PRIMPOL: variants seen among roughly 807,000 people sequenced by gnomAD.
PRIMPOL encodes DNA-directed primase/polymerase protein.
Under a neutral mutation model 63.6 loss-of-function variants are expected in PRIMPOL, and 54 were observed. That is an observed-to-expected ratio of 0.85 (90% confidence interval 0.68 to 1.07). The LOEUF (loss-of-function observed/expected upper bound fraction) is 1.07. PRIMPOL is among the 50% of genes least tolerant of loss of function. The pLI is 0.00. For missense variants in PRIMPOL, 610 were observed against 648.3 expected (o/e 0.94, Z 0.64); for synonymous variants, 197 against 220.2 (o/e 0.89, Z 0.93).
At chr4:184,693,050 G>C (rs1287645246) in intron 13 of PRIMPOL, among the ~76,000 whole-genome samples, 1 of 152,048 alleles carries the variant, frequency 6.6e-6, no homozygotes, top group African/African-American at 2.4e-5. Context: ...AGTGTTAATA[G>C]AATAAAAGAA....
intron 4 of PRIMPOL, among the ~76,000 whole-genome samples, chr4:184,660,117 G>C (rs918031421): frequency 1.3e-5 from 2 of 150,216 alleles, no homozygotes; most frequent in African/African-American, 4.9e-5. Context: ...CACTGTACCT[G>C]GCTTATTAGC....
chr4:184,678,388 A>G lies in PRIMPOL; in HGVS notation c.1001A>G (p.Asn334Ser). ...YQYFLSSLVS[N>S]VRFSDTLRIL... The stretch of plus-strand genomic sequence containing the variant: ...TATTTTCTCTCTTCTTTGGTCAGCA[A>G]TGTCAGGTATGTAGTAGCAGCATCA... Residue 334 changes from asparagine (N) to serine (S), a missense_variant, in exon 8 of 14, where the codon AAT (asparagine) becomes AGT (serine). Around this residue, in one of 3 missense-constraint regions of PRIMPOL, gnomAD observed 444 missense variants for 456.4 expected, o/e 0.97. Coordinates refer to ENST00000314970, the MANE Select transcript of PRIMPOL (RefSeq NM_152683.4). The G allele has an allele frequency of 1.2e-6, 2 of 1,602,428 alleles. No homozygotes were observed. The highest frequency in any genetic ancestry group is 1.1e-5 in the South Asian group (1 of 88,284).
chr4:184,669,263 G>A (rs1034855238), intron 6 of PRIMPOL, among the ~76,000 whole-genome samples: 2 of 152,190 alleles, frequency 1.3e-5, no homozygotes, highest in Non-Finnish European at 2.9e-5. Context: ...TTAAGCAGCT[G>A]GGGAATGTTA....
chr4:184,684,072 A>G (rs1756364029), intron 9 of PRIMPOL, among the ~76,000 whole-genome samples: 2 of 152,218 alleles, frequency 1.3e-5, no homozygotes, highest in South Asian at 2.1e-4. Context: ...CCACATTAAT[A>G]TATTTTTCAA....
At chr4:184,693,043 G>GTTAA (rs368319933) in intron 13 of PRIMPOL, among the ~76,000 whole-genome samples, 1 of 152,176 alleles carries the variant, frequency 6.6e-6, no homozygotes, top group African/African-American at 2.4e-5. Flanking sequence ...CCTCTATAGT[G>GTTAA]TTAATAGAAT....
chr4:184,654,845 T>G (rs920101182), intron 2 of PRIMPOL, among the ~76,000 whole-genome samples: 1 of 152,208 alleles, frequency 6.6e-6, no homozygotes, highest in African/African-American at 2.4e-5. Flanking sequence ...GTTAGTACCT[T>G]TAGAATTATA....
Position 184,658,907 on chromosome 4 carries a change from C to CA in PRIMPOL, c.181-417dup, listed in dbSNP as rs35646133. Among the ~76,000 whole-genome samples the CA allele has an allele frequency of 9.7e-3, 911 of 93,682 alleles. 4 individuals carry two copies. The highest frequency in any genetic ancestry group is 0.026 in the African/African-American group (644 of 24,468). 61.5% of individuals were successfully genotyped at this position (93,682 alleles called of 152,430 possible). A position where few individuals can be genotyped will look rare whatever the true frequency, so the allele number is the denominator to read the frequency against. On this transcript the variant is annotated intron_variant, in intron 3 of 13. Transcript: ENST00000314970. ...TGGGCAACAGAGCAAGACTCTGTTTCAAAAAAAAAAAAAAAAGGCTCCTAC... is the reference window on the plus strand; with the variant it reads ...TGGGCAACAGAGCAAGACTCTGTTTCAAAAAAAAAAAAAAAAAGGCTCCTAC...
At chr4:184,687,814 G>A (rs1440130179) in intron 11 of PRIMPOL, among the ~76,000 whole-genome samples, 1 of 151,804 alleles carries the variant, frequency 6.6e-6, no homozygotes, top group African/African-American at 2.4e-5. Context: ...CGGGGTTTCT[G>A]CATGTTGGTC....
intron 3 of PRIMPOL, among the ~76,000 whole-genome samples, chr4:184,658,084 T>TGGGG (rs60383196): frequency 3.7e-4 from 41 of 110,448 alleles, no homozygotes; most frequent in African/African-American, 1.6e-3. Flanking sequence ...TTTTTTTTTT[T>TGGGG]GGGGCACTGT....
chr4:184,682,535 A>G (rs1755905260), intron 9 of PRIMPOL, among the ~76,000 whole-genome samples, 199 bp downstream of exon 9: 1 of 151,896 alleles, frequency 6.6e-6, no homozygotes, highest in Non-Finnish European at 1.5e-5. Context: ...TTTAGTAGAG[A>G]TGAGATTTCA....
intron 1 of PRIMPOL, among the ~76,000 whole-genome samples, chr4:184,651,165 C>T (rs1224974770): frequency 1.3e-5 from 2 of 151,938 alleles, no homozygotes; most frequent in African/African-American, 4.8e-5. Context: ...GTGGTGGGCA[C>T]CTGTAATCCC....
intron 8 of PRIMPOL, among the ~76,000 whole-genome samples, chr4:184,679,704 A>G (rs1475780617): frequency 6.6e-6 from 1 of 152,158 alleles, no homozygotes; most frequent in Non-Finnish European, 1.5e-5. Flanking sequence ...CGAGCGAGCA[A>G]TACCACCTTC....
chr4:184,653,809 G>T (rs1745420455), intron 2 of PRIMPOL, among the ~76,000 whole-genome samples: 1 of 152,170 alleles, frequency 6.6e-6, no homozygotes, highest in Non-Finnish European at 1.5e-5. Context: ...TTTCTAATAT[G>T]GTGACATATT....
intron 6 of PRIMPOL, among the ~76,000 whole-genome samples, chr4:184,671,940 C>T (rs1461991985): frequency 1.3e-5 from 2 of 151,806 alleles, no homozygotes; most frequent in Non-Finnish European, 2.9e-5. Context: ...CGGGGTTTCA[C>T]CGTGTTAACC....
At chr4:184,681,504 T>G (rs2150136131) in intron 8 of PRIMPOL, among the ~76,000 whole-genome samples, 1 of 152,276 alleles carries the variant, frequency 6.6e-6, no homozygotes, top group East Asian at 1.9e-4. Context: ...TGCTATATAG[T>G]TGTTATACTA....
At chr4:184,685,812 T>C in intron 11 of PRIMPOL, 128 bp downstream of exon 11, 2 of 522,690 alleles carry the variant, frequency 3.8e-6, no homozygotes, top group East Asian at 3.8e-5. Context: ...AATTTCTTTT[T>C]TTTTTCCAAG....
chr4:184,655,796 A>G (rs1186654503), intron 2 of PRIMPOL, among the ~76,000 whole-genome samples: 1 of 152,186 alleles, frequency 6.6e-6, no homozygotes, highest in African/African-American at 2.4e-5. Context: ...TTTAGTACAT[A>G]TTATTTCACT....
intron 8 of PRIMPOL, among the ~76,000 whole-genome samples, chr4:184,680,091 C>A (rs1465355702): frequency 6.6e-5 from 10 of 152,194 alleles, no homozygotes; most frequent in Admixed American, 2.6e-4. Flanking sequence ...CCTTCATTCC[C>A]TGTTTTTCTA....
chr4:184,673,135 C>CT lies in PRIMPOL; in HGVS notation c.844+687dup, dbSNP rs10661169. On this transcript the variant is annotated intron_variant, in intron 7 of 13. Transcript: ENST00000314970. ...TGACAGCAGCAGGTTTTTTCTTTTT[C>CT]TTTTTTTTTTTTGAGACGGAGTCCC... Among the ~76,000 whole-genome samples the CT allele has an allele frequency of 9.8e-4, 139 of 141,776 alleles. 1 individual carries two copies. Among genetic ancestry groups the CT allele is most frequent in the Admixed American group, 1.3e-3 (18 of 14,160 alleles). 93.0% of individuals were successfully genotyped at this position (141,776 alleles called of 152,430 possible). A position where few individuals can be genotyped will look rare whatever the true frequency, so the allele number is the denominator to read the frequency against.
Sources: gnomAD v4.1 joint callset for allele counts (sites outside exome capture counted in the v4.1 genomes callset) on GRCh38, gnomAD v4.1.1 for gene constraint, gnomAD v4.1.1 regional missense constraint, MANE v1.5 for transcripts, NCBI Gene and HGNC (gene_info 2026-07-23, HGNC 2026-07-21) for gene names.